The following CSNK2A1 variants were observed in gnomAD, a reference collection of about 807,000 sequenced individuals.
CSNK2A1 encodes the protein casein kinase 2 alpha 1, also known as casein kinase II subunit alpha.
In CSNK2A1, 10 loss-of-function variants were observed where a neutral mutation model predicts 62.9. The ratio of observed to expected loss-of-function variants is 0.16; its 90% CI spans 0.10 to 0.27. CSNK2A1 has a LOEUF of 0.27. CSNK2A1 is among the 10% of genes least tolerant of loss of function. CSNK2A1 has a pLI of 1.00. For synonymous variants in CSNK2A1, 124 were observed against 167.8 expected (o/e 0.74, Z 2.02); for missense variants, 160 against 492.0 (o/e 0.33, Z 6.38).
chr20:516,379 T>C (rs1242132786), intron 2 of CSNK2A1, among the ~76,000 whole-genome samples: 1 of 152,184 alleles, frequency 6.6e-6, no homozygotes, highest in Non-Finnish European at 1.5e-5. Context: ...ACGAAAAAAG[T>C]ATCATGTCAA....
chr20:532,330 A>ATTTTTT (rs138287291), intron 1 of CSNK2A1, among the ~76,000 whole-genome samples: 9 of 121,978 alleles, frequency 7.4e-5, no homozygotes, highest in Non-Finnish European at 1.0e-4. Flanking sequence ...TGCCCGGCTA[A>ATTTTTT]TTTTTTTTTT....
chr20:534,452 T>C (rs2019271455), intron 1 of CSNK2A1, among the ~76,000 whole-genome samples: 1 of 152,210 alleles, frequency 6.6e-6, no homozygotes, highest in African/African-American at 2.4e-5. Flanking sequence ...TTTTAAATGA[T>C]GGAAAAGCTT....
chr20:509,575 G>C (rs991890951), intron 2 of CSNK2A1, among the ~76,000 whole-genome samples: 5 of 152,186 alleles, frequency 3.3e-5, no homozygotes, highest in African/African-American at 1.2e-4. Flanking sequence ...ACTTCAATTT[G>C]TATGTGTGTA....
At chr20:504,009 C>T (rs2018523673) in intron 4 of CSNK2A1, among the ~76,000 whole-genome samples, 1 of 152,116 alleles carries the variant, frequency 6.6e-6, no homozygotes, top group Non-Finnish European at 1.5e-5. Flanking sequence ...GAAACCCCGT[C>T]TCTATTAAAA....
intron 1 of CSNK2A1, chr20:543,332 C>T (rs1272177501): frequency 6.4e-6 from 1 of 157,176 alleles, no homozygotes; most frequent in Admixed American, 6.5e-5. Flanking sequence ...CCCCACCCCT[C>T]AAGTTCCCTT....
intron 2 of CSNK2A1, among the ~76,000 whole-genome samples, chr20:523,657 C>T (rs112065748): frequency 1.5e-4 from 22 of 150,986 alleles, no homozygotes; most frequent in East Asian, 6.0e-4. Context: ...TTTGGGAGGC[C>T]GAAGCGGATG....
intron 8 of CSNK2A1, 121 bp from the exon 9 acceptor site, chr20:492,485 C>A: frequency 1.2e-6 from 1 of 843,778 alleles, no homozygotes; most frequent in African/African-American, 1.7e-5. Flanking sequence ...CCTCCACTGA[C>A]TACTTATAGC....
chr20:514,020 TAA>T (rs1455921578), intron 2 of CSNK2A1, among the ~76,000 whole-genome samples: 5 of 152,034 alleles, frequency 3.3e-5, no homozygotes, highest in Admixed American at 2.6e-4. Flanking sequence ...CTCAGATAGA[TAA>T]AAGGGTACTA....
chr20:492,585 CA>C (rs2122522613), intron 8 of CSNK2A1: 1 of 530,058 alleles, frequency 1.9e-6, no homozygotes, highest in East Asian at 3.1e-5. Context: ...TGTGCTTTTA[CA>C]AATTTCTTAA....
intron 2 of CSNK2A1, among the ~76,000 whole-genome samples, chr20:525,650 CAA>C (rs59103809): frequency 9.8e-5 from 6 of 61,008 alleles, no homozygotes; most frequent in Admixed American, 2.0e-4. Context: ...GACTCCATCT[CAA>C]AAAAAAAAAA....
chr20:499,987 G>A lies in CSNK2A1; in HGVS notation c.214-53C>T, dbSNP rs1308247680. 1.0e-5 allele frequency: 14 copies of A among 1,392,484 alleles called. No homozygotes were observed. Among genetic ancestry groups the A allele is most frequent in the Admixed American group, 1.8e-5 (1 of 55,426 alleles). 86.3% of individuals were successfully genotyped at this position (1,392,484 alleles called of 1,614,324 possible). A position where few individuals can be genotyped will look rare whatever the true frequency, so the allele number is the denominator to read the frequency against. On this transcript the variant is annotated intron_variant, in intron 4 of 13. Transcript: ENST00000217244. The surrounding 1 kb of genome is among the most constrained non-coding windows in gnomAD (Gnocchi z 4.2). ...AAAAAAAAAAAAAAATTTTTTCAGA[G>A]TATTTCAACACGTAGTGTAATACAT...
At chr20:533,594 C>T (rs146359536) in intron 1 of CSNK2A1, among the ~76,000 whole-genome samples, 399 of 152,244 alleles carry the variant, frequency 2.6e-3, no homozygotes, top group Middle Eastern at 0.01. Flanking sequence ...CAGAGCGAGA[C>T]GCTGTCTCAA....
At chr20:505,273 G>A (rs2018550933) in intron 3 of CSNK2A1, 44 bp from the exon 4 acceptor site, 3 of 1,426,046 alleles carry the variant, frequency 2.1e-6, no homozygotes, top group Non-Finnish European at 2.9e-6. Flanking sequence ...CAAATTATCA[G>A]CATCAATTCA....
chr20:523,820 A>G (rs1317507984), intron 2 of CSNK2A1, among the ~76,000 whole-genome samples: 6 of 143,500 alleles, frequency 4.2e-5, no homozygotes, highest in Admixed American at 7.2e-5. Context: ...GATCACGCCA[A>G]TGCACTCCAG....
chr20:515,530 T>C (rs1185754964), intron 2 of CSNK2A1, among the ~76,000 whole-genome samples: 1 of 152,158 alleles, frequency 6.6e-6, no homozygotes, highest in Non-Finnish European at 1.5e-5. Context: ...GAATATCCAA[T>C]ACAGTTACAG....
intron 10 of CSNK2A1, chr20:489,098 C>A: frequency 3.8e-6 from 1 of 264,772 alleles, no homozygotes. Context: ...TGTGCCTTGT[C>A]CACATTTCTA....
intron 2 of CSNK2A1, among the ~76,000 whole-genome samples, chr20:522,196 A>T (rs753717794): frequency 6.6e-6 from 1 of 152,242 alleles, no homozygotes; most frequent in Non-Finnish European, 1.5e-5. Context: ...ATAAGTAAGC[A>T]TGGAAAGAGA....
chr20:537,248 G>A (rs1039529315), intron 1 of CSNK2A1, among the ~76,000 whole-genome samples: 2 of 152,126 alleles, frequency 1.3e-5, no homozygotes, highest in African/African-American at 2.4e-5. Context: ...TTGTACCTTG[G>A]TATTTAACCC....
intron 12 of CSNK2A1, chr20:486,725 AT>A (rs2018107719): frequency 2.4e-6 from 1 of 409,452 alleles, no homozygotes; most frequent in Non-Finnish European, 4.5e-6. Context: ...AGCAGAGCGA[AT>A]TTAATGAAGC....
Sources: allele counts gnomAD v4.1 joint callset (sites outside exome capture counted in the v4.1 genomes callset), GRCh38; gene constraint gnomAD v4.1.1; non-coding constraint Gnocchi (gnomAD v3.1); transcripts MANE v1.5; gene names NCBI Gene and HGNC (gene_info 2026-07-23, HGNC 2026-07-21).